NPSR1: variants seen among roughly 807,000 people sequenced by gnomAD.
NPSR1 encodes the protein neuropeptide S receptor.
In NPSR1, 48 loss-of-function variants were observed where a neutral mutation model predicts 46.9. That is an observed-to-expected ratio of 1.02 (90% CI 0.81 to 1.30). The LOEUF (loss-of-function observed/expected upper bound fraction) is 1.30, where lower values mean the gene tolerates loss of function less well. Among genes scored for constraint, NPSR1 ranks in the 50% most tolerant of loss-of-function variants. The pLI is 0.00. For synonymous variants in NPSR1, 176 were observed against 168.1 expected (o/e 1.05, Z -0.36); for missense variants, 450 against 449.5 (o/e 1.00, Z -0.01).
At chr7:34,663,585 G>A (rs754007377) in intron 1 of NPSR1, among the ~76,000 whole-genome samples, 32 of 152,020 alleles carry the variant, frequency 2.1e-4, no homozygotes, top group Non-Finnish European at 4.1e-4. Context: ...CTCTTCCTCC[G>A]CTTTTTCCTG....
chr7:34,856,131 T>G (rs927973904), intron 8 of NPSR1, among the ~76,000 whole-genome samples: 1 of 151,814 alleles, frequency 6.6e-6, no homozygotes, highest in Non-Finnish European at 1.5e-5. Context: ...TGTTCAACAT[T>G]GTAAGAAATC....
intron 5 of NPSR1, among the ~76,000 whole-genome samples, chr7:34,830,357 G>T (rs1348388623): frequency 1.3e-5 from 2 of 149,658 alleles, no homozygotes; most frequent in Non-Finnish European, 3.0e-5. Context: ...CAAATTGACA[G>T]AAAAAAAAAC....
At chr7:34,783,651 T>C (rs1375958914) in intron 3 of NPSR1, among the ~76,000 whole-genome samples, 2 of 152,032 alleles carry the variant, frequency 1.3e-5, no homozygotes, top group African/African-American at 2.4e-5. Context: ...TATCCAGGTG[T>C]ACAAGAAGGT....
chr7:34,791,064 A>ATATG (rs1562730758), intron 3 of NPSR1, among the ~76,000 whole-genome samples: 15 of 111,840 alleles, frequency 1.3e-4, no homozygotes, highest in African/African-American at 6.0e-4. Flanking sequence ...TATGTTATAT[A>ATATG]TTATATTATA....
At chr7:34,859,606 T>C (rs10235636) in intron 8 of NPSR1, among the ~76,000 whole-genome samples, 147,989 of 151,740 alleles carry the variant, frequency 0.98, 72,204 homozygotes, top group East Asian at 1. Context: ...ACTGGAAGAG[T>C]TATCTGGGGC....
Position 34,844,935 on chromosome 7 carries a change from C to G in NPSR1, c.797C>G (p.Ser266Ter). The G allele has an allele frequency of 6.2e-7, 1 of 1,613,274 alleles. No individual in the cohort carries two copies. The highest frequency in any genetic ancestry group is 1.3e-5 in the African/African-American group (1 of 75,036). The change falls in exon 7 of 9, where the codon TCA becomes TGA. Residue 266 changes from serine (S) to a stop codon, truncating the protein, a stop_gained. Transcript: ENST00000360581. LOFTEE classifies it high-confidence loss of function. ...LCSSYNRGLISKAKIKAIKYS... is the reference protein window; with the variant it reads ...LCSSYNRGLI The stretch of plus-strand genomic sequence containing the variant: ...AGCAGCTATAACCGAGGACTCATCT[C>G]AAAGGCAAAAATCAAGGCTATCAAG...
chr7:34,704,750 C>T (rs564202917), intron 2 of NPSR1, among the ~76,000 whole-genome samples: 2 of 152,254 alleles, frequency 1.3e-5, no homozygotes, highest in Admixed American at 6.5e-5. Context: ...AGGCTGCTGG[C>T]CTAGGGAAGT....
At chr7:34,840,617 T>C (rs904166863) in intron 6 of NPSR1, among the ~76,000 whole-genome samples, 3 of 152,186 alleles carry the variant, frequency 2.0e-5, no homozygotes, top group African/African-American at 7.2e-5. Flanking sequence ...GCAAAGCAAC[T>C]GCTCAGGGTC....
At chr7:34,791,079 T>TTATATAATA (rs1473830777) in intron 3 of NPSR1, among the ~76,000 whole-genome samples, 9 of 115,444 alleles carry the variant, frequency 7.8e-5, no homozygotes, top group Middle Eastern at 9.6e-3. Context: ...ATTATATATG[T>TTATATAATA]TATATGTTAT....
intron 2 of NPSR1, among the ~76,000 whole-genome samples, chr7:34,714,514 T>A (rs960252273): frequency 6.6e-6 from 1 of 152,206 alleles, no homozygotes; most frequent in Non-Finnish European, 1.5e-5. Flanking sequence ...ACTTCAGAAG[T>A]GACCGTAAAA....
At chr7:34,845,650 C>T (rs1300852538) in intron 7 of NPSR1, 3 of 453,662 alleles carry the variant, frequency 6.6e-6, no homozygotes, top group Non-Finnish European at 1.3e-5. Context: ...CTTCTTGGTT[C>T]TACCTCACAC....
intron 4 of NPSR1, among the ~76,000 whole-genome samples, chr7:34,819,658 C>T (rs1789454336): frequency 6.6e-6 from 1 of 152,218 alleles, no homozygotes; most frequent in South Asian, 2.1e-4. Context: ...ATAGCAAAGA[C>T]TTGGAACCAA....
Position 34,683,694 on chromosome 7 carries a change from C to A in NPSR1, c.148-858C>A, listed in dbSNP as rs539139985. Among the ~76,000 whole-genome samples the A allele has an allele frequency of 8.5e-5, 13 of 152,104 alleles. No homozygotes were observed. In the South Asian group the frequency reaches 2.5e-3, roughly 29 times the overall value. On this transcript the variant is annotated intron_variant, in intron 1 of 8. Coordinates refer to ENST00000360581, the MANE Select transcript of NPSR1 (RefSeq NM_207172.2). ...AGAAAGTGAGAGGGTGAGAGAGGGACAAGGGAGGGGAACTGAACTCATTCC... is the reference window on the plus strand; with the variant it reads ...AGAAAGTGAGAGGGTGAGAGAGGGAAAAGGGAGGGGAACTGAACTCATTCC...
At chr7:34,802,935 T>A (rs1403889040) in intron 3 of NPSR1, among the ~76,000 whole-genome samples, 2 of 150,260 alleles carry the variant, frequency 1.3e-5, no homozygotes, top group Non-Finnish European at 2.9e-5. Context: ...TCAAAAGAAG[T>A]CATTTATGCA....
At chr7:34,684,771 A>G in intron 2 of NPSR1, 87 bp downstream of exon 2, 1 of 1,171,992 alleles carries the variant, frequency 8.5e-7, no homozygotes, top group South Asian at 1.8e-5. Context: ...CAAAAAAAAA[A>G]AAATGTAACG....
chr7:34,665,195 AC>A (rs1321506018), intron 1 of NPSR1, among the ~76,000 whole-genome samples: 2 of 152,162 alleles, frequency 1.3e-5, no homozygotes, highest in African/African-American at 4.8e-5. Flanking sequence ...TAAAAAACAA[AC>A]CCTAAATCTC....
At chr7:34,778,441 G>A in intron 2 of NPSR1, 21 bp from the exon 3 acceptor site, 1 of 1,333,294 alleles carries the variant, frequency 7.5e-7, no homozygotes, top group Non-Finnish European at 1.1e-6. Flanking sequence ...CTGAATGTAA[G>A]CACTTGTACG....
At chr7:34,877,136 G>A (rs1382347817) in intron 8 of NPSR1, among the ~76,000 whole-genome samples, 1 of 152,152 alleles carries the variant, frequency 6.6e-6, no homozygotes, top group East Asian at 1.9e-4. Flanking sequence ...TCATTCTGAT[G>A]GCCGAAAGGA....
chr7:34,742,691 G>T (rs1034517426), intron 2 of NPSR1, among the ~76,000 whole-genome samples: 7 of 152,156 alleles, frequency 4.6e-5, no homozygotes, highest in African/African-American at 1.4e-4. Flanking sequence ...TCCAGTAATG[G>T]AAATGCTGGG....
Sources: allele counts gnomAD v4.1 joint callset (sites outside exome capture counted in the v4.1 genomes callset), GRCh38; gene constraint gnomAD v4.1.1; transcripts MANE v1.5; gene names NCBI Gene and HGNC (gene_info 2026-07-23, HGNC 2026-07-21).